ILKAP: variants seen among roughly 807,000 people sequenced by gnomAD.
The protein encoded by ILKAP is integrin-linked kinase-associated serine/threonine phosphatase 2C.
Under a neutral mutation model 49.1 loss-of-function variants are expected in ILKAP, and 11 were observed. That is an observed-to-expected ratio of 0.22 (90% confidence interval 0.14 to 0.37). The LOEUF (loss-of-function observed/expected upper bound fraction) is 0.37. Ranked by LOEUF, ILKAP falls within the 10% of genes least tolerant of loss-of-function variation. ILKAP has a pLI of 1.00. For synonymous variants in ILKAP, 186 were observed against 192.8 expected, an observed-to-expected ratio of 0.96 and a Z score of 0.29; for missense variants, 363 against 510.8, an observed-to-expected ratio of 0.71 and a Z score of 2.79.
intron 1 of ILKAP, among the ~76,000 whole-genome samples, chr2:238,195,149 T>C (rs1694291520): frequency 6.6e-6 from 1 of 152,148 alleles, no homozygotes; most frequent in Non-Finnish European, 1.5e-5. Flanking sequence ...AAGTATTTTC[T>C]TGATAATTTC....
chr2:238,186,709 A>G (rs1315238575), intron 5 of ILKAP: 1 of 143,286 alleles, frequency 7.0e-6, no homozygotes, highest in Non-Finnish European at 1.5e-5. Flanking sequence ...TATTTCAAGG[A>G]AAAAAAAAAA....
At chr2:238,197,488 T>C (rs1442497090) in intron 1 of ILKAP, among the ~76,000 whole-genome samples, 1 of 152,196 alleles carries the variant, frequency 6.6e-6, no homozygotes, top group Non-Finnish European at 1.5e-5. Context: ...ATTTTAACTT[T>C]TGAATTAACT....
chr2:238,177,507 C>T (rs545019515), intron 9 of ILKAP, among the ~76,000 whole-genome samples: 5 of 152,130 alleles, frequency 3.3e-5, no homozygotes, highest in African/African-American at 4.8e-5. Flanking sequence ...ATACCCCACA[C>T]CCCCCAATAA....
At chr2:238,195,121 G>C (rs1232069888) in intron 1 of ILKAP, among the ~76,000 whole-genome samples, 2 of 152,154 alleles carry the variant, frequency 1.3e-5, no homozygotes, top group Admixed American at 1.3e-4. Flanking sequence ...CAGGGCCACT[G>C]AATATTTTGA....
At chr2:238,188,420 A>C in intron 4 of ILKAP, 163 bp from the exon 5 acceptor site, 4 of 778,852 alleles carry the variant, frequency 5.1e-6, no homozygotes, top group South Asian at 3.8e-5. Context: ...CCCAGCTGCA[A>C]GTCTATAACT....
chr2:238,179,607 G>A (rs1319795211), intron 9 of ILKAP, among the ~76,000 whole-genome samples: 1 of 152,110 alleles, frequency 6.6e-6, no homozygotes, highest in African/African-American at 2.4e-5. Flanking sequence ...ATGACGCAAG[G>A]CAACAGGAGC....
rs140920201 is a variant in ILKAP, at chr2:238,170,540, T to A, written c.1175A>T (p.His392Leu). The A allele has an allele frequency of 2.2e-5, 35 of 1,597,502 alleles. No individual in the cohort carries two copies. The Admixed American group carries it at 4.6e-4, about 21-fold the overall frequency. ...NVTVMVVRIG[H>L] ...CTCCTGGCCGCGCGCCACCCCTCAG[T>A]GCCCTATCCGCACCACCATCACAGT... Residue 392 changes from histidine (H) to leucine (L), a missense_variant, in exon 12 of 12, where the codon CAC becomes CTC. Physicochemically the swap from His to Leu is moderately conservative, Grantham distance 99. This residue lies in a region of ILKAP where 83 missense variants were observed against 87.5 expected (regional missense o/e 0.95). Transcript: ENST00000254654.
rs754233557 is a variant in ILKAP, at chr2:238,194,884, A to C, written c.56-14T>G. 1 of 1,606,486 alleles carries C rather than the reference A, an allele frequency of 6.2e-7. No individual in the cohort carries two copies. Among genetic ancestry groups the C allele is most frequent in the Non-Finnish European group, 8.5e-7 (1 of 1,172,972 alleles). ...GAGCTTCTTTCCCTAAAACACAGAA[A>C]ACCTGTTTAGAGAGCATATGGTCAT... On this transcript the variant is annotated splice_polypyrimidine_tract_variant and intron_variant, in intron 1 of 11. Coordinates refer to ENST00000254654, the MANE Select transcript of ILKAP (RefSeq NM_030768.3).
At chr2:238,183,943 C>A in intron 7 of ILKAP, 77 bp downstream of exon 7, 1 of 1,058,136 alleles carries the variant, frequency 9.5e-7, no homozygotes, top group Non-Finnish European at 1.5e-6. Flanking sequence ...AGTGTTAAAC[C>A]ACATCAGAAG....
At chr2:238,191,463 C>T (rs1694119154) in intron 3 of ILKAP, among the ~76,000 whole-genome samples, 1 of 152,232 alleles carries the variant, frequency 6.6e-6, no homozygotes, top group Non-Finnish European at 1.5e-5. Context: ...ATTTCTGCAA[C>T]AGTATAACAT....
At chr2:238,181,248 T>A (rs535599998) in intron 9 of ILKAP, among the ~76,000 whole-genome samples, 1 of 152,240 alleles carries the variant, frequency 6.6e-6, no homozygotes, top group Admixed American at 6.6e-5. Context: ...AGAGATGACA[T>A]CTCTCTTATC....
In ILKAP at chr2:238,170,507, C is replaced by G; in HGVS notation, c.*29G>C. On this transcript the variant is annotated 3_prime_UTR_variant, in exon 12 of 12. Transcript: ENST00000254654. ...CAAAATGAACCTTTTAAGTCAATAC[C>G]ATGCGTGCTCCTGGCCGCGCGCCAC... The G allele has an allele frequency of 6.4e-7, 1 of 1,571,762 alleles. No individual in the cohort carries two copies.
At chr2:238,190,069 T>A in intron 3 of ILKAP, 97 bp from the exon 4 acceptor site, 1 of 1,354,074 alleles carries the variant, frequency 7.4e-7, no homozygotes, top group Non-Finnish European at 1.0e-6. Context: ...AAAGACAAGG[T>A]CATTTGAAGC....
chr2:238,185,342 C>T, intron 5 of ILKAP, 55 bp from the exon 6 acceptor site: 1 of 1,138,310 alleles, frequency 8.8e-7, no homozygotes, highest in Non-Finnish European at 1.3e-6. Context: ...CCACACTTTT[C>T]CATTAAAGCT....
At chr2:238,192,212 AAAAAG>A (rs1226562256) in intron 3 of ILKAP, among the ~76,000 whole-genome samples, 6 of 151,376 alleles carry the variant, frequency 4.0e-5, no homozygotes, top group Non-Finnish European at 5.9e-5. Context: ...TTAAAAAAAA[AAAAAG>A]AAAAAGAAAA....
Position 238,173,514 on chromosome 2 carries a change from C to T in ILKAP, c.956+20G>A. 1.3e-6 allele frequency: 2 copies of T among 1,520,448 alleles called. No individual in the cohort carries two copies. Among genetic ancestry groups the T allele is most frequent in the African/African-American group, 4.0e-5 (2 of 50,116 alleles). 94.2% of individuals were successfully genotyped at this position (1,520,448 alleles called of 1,614,324 possible). A position where few individuals can be genotyped will look rare whatever the true frequency, so the allele number is the denominator to read the frequency against. On this transcript the variant is annotated intron_variant, in intron 10 of 11. Coordinates refer to ENST00000254654, the MANE Select transcript of ILKAP (RefSeq NM_030768.3). Reference sequence around the variant, plus strand: ...AAACCCACATGCACACACACCTGTGCCTCTTATAGGGCCTTTTACCTGTCA... The same window carrying T: ...AAACCCACATGCACACACACCTGTGTCTCTTATAGGGCCTTTTACCTGTCA...
In ILKAP at chr2:238,171,025, C is replaced by T; in HGVS notation, c.957-1G>A. ...CCCATCACAGGCCAACAAAATGAAC[C>T]TACAACACCAGGGAGAAATATAAAC... is the stretch of plus-strand genomic sequence containing the variant. On this transcript the variant is annotated splice_acceptor_variant, in intron 10 of 11. Transcript: ENST00000254654. LOFTEE classifies it high-confidence loss of function. 15 of 1,612,366 alleles carry T rather than the reference C, an allele frequency of 9.3e-6. No homozygotes were observed. Among genetic ancestry groups the T allele is most frequent in the Non-Finnish European group, 1.2e-5 (14 of 1,178,914 alleles).
chr2:238,176,628 C>A (rs866780576), intron 9 of ILKAP, among the ~76,000 whole-genome samples: 11 of 151,792 alleles, frequency 7.2e-5, no homozygotes, highest in Non-Finnish European at 1.0e-4. Context: ...GTCTTCAGAT[C>A]TTAGCTAGTT....
At chr2:238,175,482 TC>T (rs1179951756) in intron 9 of ILKAP, among the ~76,000 whole-genome samples, 4 of 152,132 alleles carry the variant, frequency 2.6e-5, no homozygotes, top group Admixed American at 6.6e-5. Context: ...GAATGACAGA[TC>T]CCAGGAAACG....
Sources: gnomAD v4.1 joint callset for allele counts (sites outside exome capture counted in the v4.1 genomes callset) on GRCh38, gnomAD v4.1.1 for gene constraint, gnomAD v4.1.1 regional missense constraint, MANE v1.5 for transcripts, NCBI Gene and HGNC (gene_info 2026-07-23, HGNC 2026-07-21) for gene names.